The following ITGA9 variants were observed in gnomAD, a reference collection of about 807,000 sequenced individuals.
The protein encoded by ITGA9 is integrin subunit alpha 9.
Under a neutral mutation model 127.8 loss-of-function variants are expected in ITGA9, and 56 were observed. That is an observed-to-expected ratio of 0.44 (90% CI 0.35 to 0.55). The LOEUF is 0.55. ITGA9 is among the 20% of genes least tolerant of loss of function. The pLI is 0.00. For synonymous variants in ITGA9, 508 were observed against 514.5 expected, an observed-to-expected ratio of 0.99 and a Z score of 0.17; for missense variants, 1,196 against 1,347.1, an observed-to-expected ratio of 0.89 and a Z score of 1.76.
chr3:37,511,838 C>T (rs1246427748), intron 8 of ITGA9, among the ~76,000 whole-genome samples: 1 of 152,160 alleles, frequency 6.6e-6, no homozygotes, highest in Non-Finnish European at 1.5e-5. Flanking sequence ...CTCTACCTCT[C>T]TCCCTCAAAC....
chr3:37,555,872 A>T (rs1559535599), intron 15 of ITGA9, among the ~76,000 whole-genome samples: 1 of 152,240 alleles, frequency 6.6e-6, no homozygotes, highest in East Asian at 1.9e-4. Context: ...CCTTCAAAGG[A>T]TGTCACCATC....
At chr3:37,555,238 A>G (rs1699419096) in intron 15 of ITGA9, among the ~76,000 whole-genome samples, 1 of 152,210 alleles carries the variant, frequency 6.6e-6, no homozygotes, top group African/African-American at 2.4e-5. Context: ...GACCATCCAT[A>G]TTTTAAAAGA....
chr3:37,536,925 CAA>C (rs1253160204), intron 14 of ITGA9, among the ~76,000 whole-genome samples: 1 of 152,254 alleles, frequency 6.6e-6, no homozygotes, highest in Admixed American at 6.5e-5. Flanking sequence ...CAGTGGATCT[CAA>C]AGTGTGGTCC....
At chr3:37,606,949 C>T (rs1326396727) in intron 15 of ITGA9, among the ~76,000 whole-genome samples, 4 of 142,608 alleles carry the variant, frequency 2.8e-5, no homozygotes, top group Non-Finnish European at 1.5e-5. Flanking sequence ...GGGGCCATAA[C>T]AATAGCAGGG....
chr3:37,554,672 T>C (rs1361207541), intron 15 of ITGA9, among the ~76,000 whole-genome samples: 1 of 152,072 alleles, frequency 6.6e-6, no homozygotes, highest in Admixed American at 6.5e-5. Flanking sequence ...GGTCAAATTC[T>C]GCGTGCATTT....
At chr3:37,787,362 C>T (rs908496634) in intron 26 of ITGA9, among the ~76,000 whole-genome samples, 1 of 152,106 alleles carries the variant, frequency 6.6e-6, no homozygotes, top group Non-Finnish European at 1.5e-5. Context: ...TGTTGCTTAA[C>T]ATCTCGTTGT....
chr3:37,652,707 G>T (rs1700441442), intron 16 of ITGA9, among the ~76,000 whole-genome samples: 1 of 152,192 alleles, frequency 6.6e-6, no homozygotes, highest in African/African-American at 2.4e-5. Flanking sequence ...ACGAACATGA[G>T]CAGTGACAAG....
intron 15 of ITGA9, among the ~76,000 whole-genome samples, chr3:37,613,398 A>G (rs932207400): frequency 8.5e-5 from 13 of 152,130 alleles, no homozygotes; most frequent in Non-Finnish European, 1.6e-4. Context: ...AGTCTTTGCT[A>G]TTGTGAATAG....
chr3:37,624,853 T>C (rs1209662782), intron 15 of ITGA9, among the ~76,000 whole-genome samples: 1 of 152,158 alleles, frequency 6.6e-6, no homozygotes, highest in African/African-American at 2.4e-5. Flanking sequence ...GTCATCCGCC[T>C]TCCTCAGCCT....
chr3:37,511,662 C>T (rs936008976), intron 8 of ITGA9, among the ~76,000 whole-genome samples: 5 of 152,220 alleles, frequency 3.3e-5, no homozygotes, highest in African/African-American at 4.8e-5. Flanking sequence ...TTTCTTTCCT[C>T]CTCACCCTCT....
intron 18 of ITGA9, among the ~76,000 whole-genome samples, chr3:37,692,736 G>A (rs778935806): frequency 1.1e-4 from 17 of 151,998 alleles, no homozygotes; most frequent in Non-Finnish European, 2.9e-5. Flanking sequence ...TGTGATGCAC[G>A]TAATACATAA....
intron 4 of ITGA9, among the ~76,000 whole-genome samples, chr3:37,485,411 C>G (rs1264627066): frequency 6.6e-6 from 1 of 151,864 alleles, no homozygotes; most frequent in African/African-American, 2.4e-5. Context: ...GACGGCTCTG[C>G]TGCACTTCTG....
rs1700062122 is a variant in ITGA9, at chr3:37,615,198, G to C, written c.1690-13989G>C. Among the ~76,000 whole-genome samples the C allele has an allele frequency of 3.3e-5, 5 of 152,244 alleles. No homozygotes were observed. In the South Asian group the frequency reaches 1.0e-3, roughly 32 times the overall value. On this transcript the variant is annotated intron_variant, in intron 15 of 27. Coordinates refer to ENST00000264741, the MANE Select transcript of ITGA9 (RefSeq NM_002207.3). Reference sequence around the variant, plus strand: ...GAAGCATTGTTGAATTTTGTCAAAGGCCTTTTCTGCATCTATTGAGATAAT... The same window carrying C: ...GAAGCATTGTTGAATTTTGTCAAAGCCCTTTTCTGCATCTATTGAGATAAT...
At chr3:37,699,289 G>C (rs534519349) in intron 18 of ITGA9, among the ~76,000 whole-genome samples, 1 of 152,268 alleles carries the variant, frequency 6.6e-6, no homozygotes, top group Admixed American at 6.5e-5. Context: ...CAAATTGCCT[G>C]TTTGGCCTCT....
At chr3:37,689,677 T>A (rs1447911957) in intron 18 of ITGA9, among the ~76,000 whole-genome samples, 1 of 152,364 alleles carries the variant, frequency 6.6e-6, no homozygotes, top group East Asian at 1.9e-4. Flanking sequence ...CTGGGTTCCA[T>A]GTAAACGACA....
chr3:37,508,856 GC>G (rs1698872336), intron 8 of ITGA9, among the ~76,000 whole-genome samples: 1 of 152,162 alleles, frequency 6.6e-6, no homozygotes, highest in African/African-American at 2.4e-5. Flanking sequence ...GTTATATGGG[GC>G]CAAGTTACAG....
At position 37,803,828 on chromosome 3, in the gene ITGA9, C is replaced by G; in HGVS notation, c.2895C>G (p.Val965=). The change falls in exon 27 of 28, where the codon GTC becomes GTG. Residue 965 remains valine, a synonymous_variant. Coordinates refer to ENST00000264741, the MANE Select transcript of ITGA9 (RefSeq NM_002207.3). ...ACTGTTGCGTTGCCTCCTAGGTGGT[C>G]TTCGAGGCCCTGCACAATCTGGAGC... ...AHGNPEEVTV[V]FEALHNLEPR... is the part of the protein sequence containing the mutation. 1 of 1,614,114 alleles carries G rather than the reference C, an allele frequency of 6.2e-7. No homozygotes were observed. Among genetic ancestry groups the G allele is most frequent in the Non-Finnish European group, 8.5e-7 (1 of 1,180,006 alleles).
chr3:37,485,754 C>T (rs1238166432), intron 4 of ITGA9, among the ~76,000 whole-genome samples: 1 of 152,138 alleles, frequency 6.6e-6, no homozygotes, highest in Admixed American at 6.5e-5. Context: ...CTTCCTGTTT[C>T]TGGTTGGATG....
At chr3:37,608,074 G>A (rs1366051406) in intron 15 of ITGA9, among the ~76,000 whole-genome samples, 1 of 152,178 alleles carries the variant, frequency 6.6e-6, no homozygotes, top group African/African-American at 2.4e-5. Context: ...GCACATCTTT[G>A]TGCGCAGCCT....
Sources: allele counts gnomAD v4.1 joint callset (sites outside exome capture counted in the v4.1 genomes callset), GRCh38; gene constraint gnomAD v4.1.1; transcripts MANE v1.5; gene names NCBI Gene and HGNC (gene_info 2026-07-23, HGNC 2026-07-21).